SEPTIN6: variants seen among roughly 807,000 people sequenced by gnomAD.
SEPTIN6 encodes the protein septin 6.
A neutral mutation model predicts 33.6 loss-of-function variants in SEPTIN6; 8 were observed. That is an observed-to-expected ratio of 0.24 (90% CI 0.14 to 0.43). The LOEUF (loss-of-function observed/expected upper bound fraction) is 0.43. Ranked by LOEUF, SEPTIN6 falls within the 20% of genes least tolerant of loss-of-function variation. The probability of loss-of-function intolerance (pLI) is 1.00; values close to 1 mark genes in which losing one functional copy is unlikely to be tolerated. For synonymous variants in SEPTIN6, 131 were observed against 140.0 expected (o/e 0.94, Z 0.45); for missense variants, 250 against 340.8 (o/e 0.73, Z 2.10).
At chrX:119,661,674 C>T (rs1329427577) in intron 3 of SEPTIN6, among the ~76,000 whole-genome samples, 1 of 111,135 alleles carries the variant, frequency 9.0e-6, no homozygotes, top group Non-Finnish European at 1.9e-5. Flanking sequence ...TGACCCCACC[C>T]CTCATCACAT....
intron 10 of SEPTIN6, among the ~76,000 whole-genome samples, chrX:119,620,473 C>T (rs2053733664): frequency 9.2e-6 from 1 of 109,060 alleles, no homozygotes; most frequent in Non-Finnish European, 1.9e-5. Flanking sequence ...AGCCCGCCGC[C>T]ACACCCGGCT....
At chrX:119,671,229 T>A (rs2054741130) in intron 2 of SEPTIN6, among the ~76,000 whole-genome samples, 1 of 110,491 alleles carries the variant, frequency 9.1e-6, no homozygotes, top group Non-Finnish European at 1.9e-5. Flanking sequence ...GAGGACTGCT[T>A]GAGCCCAGGA....
At chrX:119,661,927 G>C (rs1220378500) in intron 3 of SEPTIN6, among the ~76,000 whole-genome samples, 1 of 111,830 alleles carries the variant, frequency 8.9e-6, no homozygotes, top group East Asian at 2.8e-4. Flanking sequence ...TAGTAGAGAC[G>C]GGGTTTCATG....
At chrX:119,686,660 A>AG in intron 1 of SEPTIN6, 2 of 917,100 alleles carry the variant, frequency 2.2e-6, no homozygotes, top group Middle Eastern at 6.1e-4. Flanking sequence ...CTGAGGAGGA[A>AG]GGGTCTGTGT....
chrX:119,665,512 A>G (rs1238415035), intron 2 of SEPTIN6, among the ~76,000 whole-genome samples: 2 of 112,145 alleles, frequency 1.8e-5, no homozygotes, highest in African/African-American at 6.5e-5. Flanking sequence ...ACTTCACACT[A>G]GGGAAACCAG....
intron 1 of SEPTIN6, among the ~76,000 whole-genome samples, chrX:119,676,314 A>C: frequency 9.1e-6 from 1 of 110,025 alleles, no homozygotes; most frequent in East Asian, 2.8e-4. Context: ...AAAAACAAAA[A>C]TTAGCCAGGC....
chrX:119,691,807 G>A (rs755664772), intron 1 of SEPTIN6, among the ~76,000 whole-genome samples: 21 of 111,844 alleles, frequency 1.9e-4, no homozygotes, highest in African/African-American at 6.8e-4. Flanking sequence ...AAATAAGTAA[G>A]CTACAAGGTT....
intron 4 of SEPTIN6, among the ~76,000 whole-genome samples, chrX:119,651,137 C>T (rs1048222328): frequency 3.6e-5 from 4 of 111,281 alleles, no homozygotes; most frequent in African/African-American, 1.3e-4. Context: ...GCCCCGGACT[C>T]TAAAAGGGGA....
intron 3 of SEPTIN6, among the ~76,000 whole-genome samples, chrX:119,662,134 C>G (rs1282924580): frequency 9.1e-6 from 1 of 109,900 alleles, no homozygotes; most frequent in Non-Finnish European, 1.9e-5. Flanking sequence ...ACTTAGCATC[C>G]TGAGGTTTTT....
In SEPTIN6 at chrX:119,618,584, G is replaced by A; in HGVS notation, c.*1509C>T. 2.0e-6 allele frequency: 2 copies of A among 1,017,315 alleles called. No homozygotes were observed. The highest frequency in any genetic ancestry group is 2.5e-6 in the Non-Finnish European group (2 of 795,870). The allele number at this position is 1,017,315 out of a possible 1,213,427, so 83.8% of individuals were successfully genotyped here. A position where few individuals can be genotyped will look rare whatever the true frequency, so the allele number is the denominator to read the frequency against. On this transcript the variant is annotated 3_prime_UTR_variant, in exon 11 of 11. Transcript: ENST00000394610. ...GTAGGTGGTCATGGTCAGTGCCAGT[G>A]GGGCTGGGAGGCAGGAGCAAGTTGC...
chrX:119,654,328 G>A (rs1000188155), intron 3 of SEPTIN6, among the ~76,000 whole-genome samples: 7 of 110,879 alleles, frequency 6.3e-5, no homozygotes, highest in African/African-American at 2.0e-4. Flanking sequence ...TCACCCCTAC[G>A]GCCTCTTTCT....
intron 8 of SEPTIN6, among the ~76,000 whole-genome samples, chrX:119,632,437 C>T (rs2053981762): frequency 9.2e-6 from 1 of 109,068 alleles, no homozygotes; most frequent in Non-Finnish European, 1.9e-5. Flanking sequence ...ACCTTGTGAT[C>T]CGCCCGCCTT....
chrX:119,617,770 G>A lies in SEPTIN6; in HGVS notation c.*2323C>T, dbSNP rs917586103. The A allele has an allele frequency of 5.2e-6, 4 of 774,032 alleles. No homozygotes were observed. In the African/African-American group the frequency reaches 6.7e-5, roughly 13 times the overall value. 63.8% of individuals were successfully genotyped at this position (774,032 alleles called of 1,213,427 possible). On this transcript the variant is annotated 3_prime_UTR_variant, in exon 11 of 11. Coordinates refer to ENST00000394610, the MANE Select transcript of SEPTIN6 (RefSeq NM_145799.4). Reference sequence around the variant, plus strand: ...CTCGGTCAAGTCCCTTCCCTTCTCTGGGCCTTCATTTCCCCTTACGGAGTA... The same window carrying A: ...CTCGGTCAAGTCCCTTCCCTTCTCTAGGCCTTCATTTCCCCTTACGGAGTA...
chrX:119,679,346 A>T (rs1329491908), intron 1 of SEPTIN6, among the ~76,000 whole-genome samples: 1 of 111,737 alleles, frequency 8.9e-6, no homozygotes. Flanking sequence ...GAGGGCCATG[A>T]TACAGGGAGT....
chrX:119,658,974 T>C (rs980122897), intron 3 of SEPTIN6, among the ~76,000 whole-genome samples: 2 of 112,558 alleles, frequency 1.8e-5, no homozygotes, highest in African/African-American at 6.4e-5. Flanking sequence ...AAAAGGGTTT[T>C]TTATTTTAAT....
At chrX:119,686,262 G>A (rs1325747813) in intron 1 of SEPTIN6, among the ~76,000 whole-genome samples, 1 of 111,800 alleles carries the variant, frequency 8.9e-6, no homozygotes, top group Non-Finnish European at 1.9e-5. Flanking sequence ...CTGCCTCAGC[G>A]CCAGTGTTCA....
chrX:119,615,812 T>C (rs2053658716), downstream of SEPTIN6: 1 of 157,526 alleles, frequency 6.3e-6, no homozygotes, highest in South Asian at 3.1e-4. Context: ...ATGTTTCTCC[T>C]GGAGAATGAA....
intron 6 of SEPTIN6, among the ~76,000 whole-genome samples, chrX:119,640,168 C>CCGCTTTTTTTTTTTTTT (rs2054133271): frequency 5.0e-5 from 1 of 20,180 alleles, no homozygotes; most frequent in Non-Finnish European, 8.3e-5. Context: ...ACTATCCAGT[C>CCGCTTTTTTTTTTTTTT]TTTTTTTTTT....
chrX:119,630,776 C>T (rs758470851), intron 8 of SEPTIN6, among the ~76,000 whole-genome samples: 1 of 110,647 alleles, frequency 9.0e-6, no homozygotes, highest in Non-Finnish European at 1.9e-5. Flanking sequence ...GCCTATAATC[C>T]CAGCTACTTG....
Sources: allele counts gnomAD v4.1 joint callset (sites outside exome capture counted in the v4.1 genomes callset), GRCh38; gene constraint gnomAD v4.1.1; transcripts MANE v1.5; gene names NCBI Gene and HGNC (gene_info 2026-07-23, HGNC 2026-07-21).